STRC: variants seen among roughly 807,000 people sequenced by gnomAD.
STRC encodes stereocilin.
Under a neutral mutation model 103.5 loss-of-function variants are expected in STRC, and 43 were observed. The observed-to-expected ratio is 0.42, with a 90% CI of 0.33 to 0.54. The LOEUF (loss-of-function observed/expected upper bound fraction) is 0.54, where lower values mean the gene tolerates loss of function less well. STRC is among the 20% of genes least tolerant of loss of function. STRC has a pLI of 0.14. For missense variants in STRC, 499 were observed against 1,088.5 expected (o/e 0.46, Z 7.62); for synonymous variants, 186 against 442.3 (o/e 0.42, Z 7.27).
At chr15:43,603,882 T>C (rs1461051059) in intron 22 of STRC, 114 bp downstream of exon 22, 7 of 1,560,942 alleles carry the variant, frequency 4.5e-6, no homozygotes, top group African/African-American at 1.4e-5. Flanking sequence ...CCCTCTAAAC[T>C]CTTTGCTTTA....
intron 16 of STRC, 51 bp downstream of exon 16, chr15:43,609,225 T>C: frequency 6.3e-7 from 1 of 1,577,274 alleles, no homozygotes; most frequent in Non-Finnish European, 8.7e-7. Context: ...TAGTAAGCAC[T>C]CAAAAAAATG....
At position 43,617,581 on chromosome 15, in the gene STRC, C is replaced by CCAA; in HGVS notation, c.839_840insTTG (p.Gln280delinsHisTrp). 2.0e-6 allele frequency: 1 copy of CCAA among 501,312 alleles called. No homozygotes were observed. Among genetic ancestry groups the CCAA allele is most frequent in the East Asian group, 3.0e-5 (1 of 33,532 alleles). 31.1% of individuals were successfully genotyped at this position (501,312 alleles called of 1,614,324 possible). ...CCTGGCCACACTCACCTCCCTGGCA[C>CCAA]TGCCCATTGGTATCAGGCTCTGGCT... On this transcript the variant is annotated protein_altering_variant, in exon 2 of 29. Transcript: ENST00000450892.
chr15:43,606,617 A>G (rs1261519411), intron 18 of STRC, among the ~76,000 whole-genome samples: 1 of 136,236 alleles, frequency 7.3e-6, no homozygotes, highest in Non-Finnish European at 1.6e-5. Flanking sequence ...TAAATAAATA[A>G]ACAAATAAAT....
At chr15:43,603,627 G>T in intron 22 of STRC, 1 of 656,666 alleles carries the variant, frequency 1.5e-6, no homozygotes, top group East Asian at 2.8e-5. Flanking sequence ...GGAAGACTGA[G>T]GATGTTATTC....
chr15:43,601,470 G>C lies in STRC; in HGVS notation c.4627C>G (p.Leu1543Val). ...RLLIGLGDRE[L>V]QELILVDWGV... ...CAGTCCACTAGGATCAGCTCCTGTA[G>C]TTCCCGATCTCCTAGACCTATTAAG... The change falls in exon 24 of 29, where the codon CTA (leucine) becomes GTA (valine). Residue 1543 changes from leucine (L) to valine (V), a missense_variant. Coordinates refer to ENST00000450892, the MANE Select transcript of STRC (RefSeq NM_153700.2). 1 of 1,613,756 alleles carries C rather than the reference G, an allele frequency of 6.2e-7. No individual in the cohort carries two copies. Among genetic ancestry groups the C allele is most frequent in the Non-Finnish European group, 8.5e-7 (1 of 1,179,846 alleles).
chr15:43,605,543 C>T (rs2085706035), intron 18 of STRC, 144 bp from the exon 19 acceptor site: 1 of 1,397,222 alleles, frequency 7.2e-7, no homozygotes, highest in South Asian at 1.3e-5. Flanking sequence ...GTAAACAGCT[C>T]CAGGGCCAAT....
In STRC at chr15:43,602,676, G is replaced by T. The variant is rs1299471996; in HGVS notation, c.4545+566C>A. On this transcript the variant is annotated intron_variant, in intron 23 of 28. Transcript: ENST00000450892. ...TTTTTTTTTTTTGAGATGGAGTCTTGCTCTGTCACCCAGGATGGAGTGCAT... is the reference window on the plus strand; with the variant it reads ...TTTTTTTTTTTTGAGATGGAGTCTTTCTCTGTCACCCAGGATGGAGTGCAT... The T allele has an allele frequency of 5.3e-4, 62 of 116,696 alleles. 1 individual carries two copies. Among genetic ancestry groups the T allele is most frequent in the Admixed American group, 4.4e-3 (38 of 8,546 alleles). 7.2% of individuals were successfully genotyped at this position (116,696 alleles called of 1,614,324 possible).
At chr15:43,601,592 G>A (rs373681153) in intron 23 of STRC, 41 bp from the exon 24 acceptor site, 4 of 1,605,364 alleles carry the variant, frequency 2.5e-6, no homozygotes, top group Admixed American at 3.3e-5. Context: ...AAAAGCAGTG[G>A]ATTGGGAGTC....
In STRC at chr15:43,605,401, T is replaced by C. The variant is rs529875037; in HGVS notation, c.3795-2A>G. The C allele has an allele frequency of 8.7e-6, 14 of 1,600,948 alleles. No individual in the cohort carries two copies. The Admixed American group carries it at 2.2e-4, about 25-fold the overall frequency. On this transcript the variant is annotated splice_acceptor_variant, in intron 18 of 28. Transcript: ENST00000450892. LOFTEE classifies it high-confidence loss of function. ...GATAGTCTGTCCATCAACTGGATCC[T>C]ATTACAGCAATTTGACAACAACAGG...
chr15:43,603,222 G>C lies in STRC; in HGVS notation c.4545+20C>G, dbSNP rs372409653. 6.2e-7 allele frequency: 1 copy of C among 1,612,574 alleles called. No homozygotes were observed. Among genetic ancestry groups the C allele is most frequent in the East Asian group, 2.2e-5 (1 of 44,846 alleles). On this transcript the variant is annotated intron_variant, in intron 23 of 28. Coordinates refer to ENST00000450892, the MANE Select transcript of STRC (RefSeq NM_153700.2). ...AATAGCTTCCTCATGGCCAACCCCA[G>C]TTGGCTCTCCATCCCTAACCTGTTT... is the stretch of plus-strand genomic sequence containing the variant.
intron 19 of STRC, 27 bp downstream of exon 19, chr15:43,605,237 T>A: frequency 6.3e-7 from 1 of 1,578,166 alleles, no homozygotes; most frequent in Non-Finnish European, 8.6e-7. Context: ...GGGCAGCAAA[T>A]CTGAGTCTGG....
chr15:43,605,112 G>C, intron 19 of STRC, 152 bp downstream of exon 19: 4 of 1,496,080 alleles, frequency 2.7e-6, no homozygotes, highest in Non-Finnish European at 3.6e-6. Context: ...ACAGAACCCA[G>C]AGGCAAAACA....
chr15:43,603,630 T>C, intron 22 of STRC: 1 of 650,732 alleles, frequency 1.5e-6, no homozygotes. Context: ...AGACTGAGGA[T>C]GTTATTCAGA....
Position 43,600,856 on chromosome 15 carries a change from C to T in STRC, c.4844+16G>A. On this transcript the variant is annotated intron_variant, in intron 25 of 28. Transcript: ENST00000450892. ...TTTACCTCAGCACCACCACCCTCAG[C>T]CCCTTCACAAATGACCTGAACTCCC... 6.2e-7 allele frequency: 1 copy of T among 1,613,692 alleles called. No individual in the cohort carries two copies. The highest frequency in any genetic ancestry group is 8.5e-7 in the Non-Finnish European group (1 of 1,179,856).
Position 43,603,353 on chromosome 15 carries a change from G to T in STRC, c.4434C>A (p.Thr1478=), listed in dbSNP as rs750783078. ...CTGAGAGCTCCATCTCTGCAATCTG[G>T]GTTGCAGACCAGGCTGCTGGGAATG... ...RGTFPAAWSA[T]QIAEMELSDF... is the part of the protein sequence containing the mutation. The change falls in exon 23 of 29, where the codon ACC becomes ACA. Residue 1478 remains threonine (T), a synonymous_variant. Transcript: ENST00000450892. The T allele has an allele frequency of 3.4e-5, 55 of 1,613,680 alleles. 1 individual carries two copies. The highest frequency in any genetic ancestry group is 4.3e-5 in the Non-Finnish European group (51 of 1,179,870).
In STRC at chr15:43,604,765, G is replaced by C. The variant is rs755471554; in HGVS notation, c.4012C>G (p.Arg1338Gly). ...LVGFLGTEST[R>G]QIPLQILLSH... The stretch of plus-strand genomic sequence containing the variant: ...AGCAGGATCTGTAGGGGGATCTGTC[G>C]TGTGCTCTCTGTCCCCAGGAATCCA... The change falls in exon 20 of 29, where the codon CGA (arginine) becomes GGA (glycine). Residue 1338 changes from arginine (R) to glycine (G), a missense_variant. Transcript: ENST00000450892. The C allele has an allele frequency of 1.2e-6, 2 of 1,613,516 alleles. No individual in the cohort carries two copies. The highest frequency in any genetic ancestry group is 2.2e-5 in the East Asian group (1 of 44,868).
Position 43,604,090 on chromosome 15 carries a change from G to A in STRC, c.4281C>T (p.Ser1427=), listed in dbSNP as rs145658933. The A allele has an allele frequency of 1.2e-6, 2 of 1,613,012 alleles. No homozygotes were observed. Among genetic ancestry groups the A allele is most frequent in the African/African-American group, 1.3e-5 (1 of 74,834 alleles). ...GCTCCCTACACAGCTGTCCAACTCT[G>A]CTCTGCTCCCAGCTCTGCTGCTTTT... is the stretch of plus-strand genomic sequence containing the variant. ...LLEKQQSWEQ[S]RVGQLCREPQ... is the part of the protein sequence containing the mutation. Residue 1427 remains serine, a synonymous_variant, in exon 22 of 29, where the codon AGC becomes AGT. Coordinates refer to ENST00000450892, the MANE Select transcript of STRC (RefSeq NM_153700.2).
chr15:43,603,925 C>A, intron 22 of STRC, 71 bp downstream of exon 22: 2 of 1,608,838 alleles, frequency 1.2e-6, no homozygotes, highest in Admixed American at 3.3e-5. Flanking sequence ...GGGAAGAGCA[C>A]ATGTAGAACC....
At chr15:43,609,176 C>G in intron 16 of STRC, 100 bp downstream of exon 16, 2 of 1,179,392 alleles carry the variant, frequency 1.7e-6, no homozygotes, top group Admixed American at 1.7e-5. Flanking sequence ...ATCATTCATC[C>G]CTATATCCCC....
Sources: gnomAD v4.1 joint callset for allele counts (sites outside exome capture counted in the v4.1 genomes callset) on GRCh38, gnomAD v4.1.1 for gene constraint, MANE v1.5 for transcripts, NCBI Gene and HGNC (gene_info 2026-07-23, HGNC 2026-07-21) for gene names.